Variants in FYTTD1 observed in about 807,000 individuals in gnomAD.
The protein encoded by FYTTD1 is UAP56-interacting factor.
FYTTD1 carries 22 observed loss-of-function variants against 40.9 expected under a neutral mutation model. The ratio of observed to expected loss-of-function variants is 0.54; its 90% CI spans 0.38 to 0.77. The LOEUF is 0.77. FYTTD1 is among the 30% of genes least tolerant of loss of function. FYTTD1 has a pLI of 0.00. For missense variants in FYTTD1, 351 were observed against 392.2 expected (o/e 0.90, Z 0.89); for synonymous variants, 140 against 137.9 (o/e 1.01, Z -0.10).
intron 1 of FYTTD1, among the ~76,000 whole-genome samples, chr3:197,752,694 C>A (rs996818780): frequency 2.6e-5 from 4 of 151,664 alleles, no homozygotes; most frequent in Non-Finnish European, 5.9e-5. Flanking sequence ...TATACATACA[C>A]TACATATATG....
intron 2 of FYTTD1, among the ~76,000 whole-genome samples, chr3:197,765,140 A>G (rs548008741): frequency 2.0e-5 from 3 of 152,330 alleles, no homozygotes; most frequent in Non-Finnish European, 4.4e-5. Context: ...GGCGTGAGCC[A>G]CGGTACCCAA....
At chr3:197,781,129 C>T (rs890164874) in intron 8 of FYTTD1, among the ~76,000 whole-genome samples, 2 of 151,604 alleles carry the variant, frequency 1.3e-5, no homozygotes, top group East Asian at 3.9e-4. Flanking sequence ...GCCTGGTCAA[C>T]ATGGAAAAAC....
chr3:197,781,761 A>T, intron 8 of FYTTD1, 50 bp from the exon 9 acceptor site: 1 of 1,309,178 alleles, frequency 7.6e-7, no homozygotes, highest in Non-Finnish European at 1.1e-6. Context: ...CCTTCAGTAA[A>T]GTTGTTAATT....
rs186349503 is a variant in FYTTD1 at position 197,785,335 on chromosome 3, G to C, written c.*3426G>C. The C allele has an allele frequency of 8.0e-4, 122 of 152,278 alleles. No homozygotes were observed. Among genetic ancestry groups the C allele is most frequent in the African/African-American group, 2.9e-3 (119 of 41,560 alleles). 9.4% of individuals were successfully genotyped at this position (152,278 alleles called of 1,614,324 possible). A position where few individuals can be genotyped will look rare whatever the true frequency, so the allele number is the denominator to read the frequency against. ...TGTGTAAACGAAAAGTTGGCCCACTGTGTACATGGATTTTCCATTCCAAGA... is the reference window on the plus strand; with the variant it reads ...TGTGTAAACGAAAAGTTGGCCCACTCTGTACATGGATTTTCCATTCCAAGA... On this transcript the variant is annotated 3_prime_UTR_variant, in exon 9 of 9. Transcript: ENST00000241502.
chr3:197,758,671 A>G (rs920462898), intron 2 of FYTTD1, among the ~76,000 whole-genome samples: 1 of 152,180 alleles, frequency 6.6e-6, no homozygotes, highest in Admixed American at 6.5e-5. Context: ...GGATCTCCTA[A>G]GATTGAGCTT....
intron 2 of FYTTD1, among the ~76,000 whole-genome samples, chr3:197,759,105 C>T (rs1428694733): frequency 2.0e-5 from 3 of 148,056 alleles, no homozygotes; most frequent in Non-Finnish European, 4.4e-5. Flanking sequence ...AGTTGTTCTT[C>T]AGTGGTAGAA....
At chr3:197,757,719 G>A (rs1483883786) in intron 2 of FYTTD1, among the ~76,000 whole-genome samples, 1 of 152,190 alleles carries the variant, frequency 6.6e-6, no homozygotes, top group Non-Finnish European at 1.5e-5. Flanking sequence ...AGACCACAGT[G>A]AGCCATGATG....
rs1200349503 is a variant in FYTTD1, at chr3:197,785,310, T to C, written c.*3401T>C. ...CTGCGCAATACTGAAGTCCCACATC[T>C]GTGTAAACGAAAAGTTGGCCCACTG... On this transcript the variant is annotated 3_prime_UTR_variant, in exon 9 of 9. Coordinates refer to ENST00000241502, the MANE Select transcript of FYTTD1 (RefSeq NM_032288.7). 6.6e-6 allele frequency: 1 copy of C among 152,210 alleles called. No homozygotes were observed. The highest frequency in any genetic ancestry group is 1.5e-5 in the Non-Finnish European group (1 of 68,046). The allele number at this position is 152,210 out of a possible 1,614,324, so 9.4% of individuals were successfully genotyped here.
chr3:197,757,686 G>A (rs1465108659), intron 2 of FYTTD1, among the ~76,000 whole-genome samples: 1 of 152,192 alleles, frequency 6.6e-6, no homozygotes, highest in African/African-American at 2.4e-5. Flanking sequence ...GAGGTGGGAA[G>A]ATGGCTTGAG....
At chr3:197,780,272 A>T (rs1051580859) in intron 8 of FYTTD1, among the ~76,000 whole-genome samples, 1 of 152,148 alleles carries the variant, frequency 6.6e-6, no homozygotes, top group Non-Finnish European at 1.5e-5. Flanking sequence ...GTTTCGCTAC[A>T]TTGCCCAGGC....
intron 2 of FYTTD1, among the ~76,000 whole-genome samples, chr3:197,761,660 C>T (rs1435996156): frequency 1.3e-5 from 2 of 152,136 alleles, no homozygotes; most frequent in Admixed American, 1.3e-4. Context: ...AAAATGTCGT[C>T]AGGTACCCTT....
At chr3:197,770,540 CT>C (rs1455616714) in intron 4 of FYTTD1, among the ~76,000 whole-genome samples, 3 of 152,126 alleles carry the variant, frequency 2.0e-5, no homozygotes, top group South Asian at 2.1e-4. Context: ...GTAGAACTCT[CT>C]TTTTTTTCTC....
intron 8 of FYTTD1, among the ~76,000 whole-genome samples, chr3:197,780,270 A>G (rs79048893): frequency 0.016 from 2,487 of 152,276 alleles, 52 homozygotes; most frequent in African/African-American, 0.055. Flanking sequence ...GGGTTTCGCT[A>G]CATTGCCCAG....
chr3:197,770,055 T>A, intron 3 of FYTTD1, 77 bp from the exon 4 acceptor site: 2 of 817,234 alleles, frequency 2.4e-6, no homozygotes, highest in Non-Finnish European at 4.0e-6. Context: ...TTGTTCATTC[T>A]GCATCTGAAA....
intron 2 of FYTTD1, among the ~76,000 whole-genome samples, chr3:197,766,463 GAGACAGGGTCT>G (rs1560496493): frequency 1.5e-4 from 23 of 151,284 alleles, no homozygotes; most frequent in African/African-American, 5.6e-4. Context: ...GTGTGTGTTT[GAGACAGGGTCT>G]TGCTCTGTCA....
At chr3:197,755,237 C>T (rs1477576044) in intron 1 of FYTTD1, among the ~76,000 whole-genome samples, 1 of 152,104 alleles carries the variant, frequency 6.6e-6, no homozygotes, top group Non-Finnish European at 1.5e-5. Context: ...TTTGTATTTG[C>T]TATTTGCATG....
intron 2 of FYTTD1, among the ~76,000 whole-genome samples, chr3:197,760,394 G>A (rs62283410): frequency 0.74 from 112,200 of 150,750 alleles, 43,885 homozygotes; most frequent in East Asian, 0.94. Flanking sequence ...GTATAGAGTT[G>A]TTCTTCAGTG....
chr3:197,752,838 C>G (rs1304676405), intron 1 of FYTTD1, among the ~76,000 whole-genome samples: 1 of 152,126 alleles, frequency 6.6e-6, no homozygotes, highest in Non-Finnish European at 1.5e-5. Flanking sequence ...AATTAAGTAA[C>G]TTGCTCGAAG....
rs1730070081 is a variant in FYTTD1 at position 197,783,075 on chromosome 3, C to T, written c.*1166C>T. 6.6e-6 allele frequency: 1 copy of T among 152,512 alleles called. No individual in the cohort carries two copies. Among genetic ancestry groups the T allele is most frequent in the African/African-American group, 2.4e-5 (1 of 41,380 alleles). The allele number at this position is 152,512 out of a possible 1,614,324, so 9.4% of individuals were successfully genotyped here. ...TATATGGTATAAATTAAAGTTCAGG[C>T]ATTTATGGGGAGAAAAGGCCCTCCC... On this transcript the variant is annotated 3_prime_UTR_variant, in exon 9 of 9. Coordinates refer to ENST00000241502, the MANE Select transcript of FYTTD1 (RefSeq NM_032288.7).
Sources: allele counts gnomAD v4.1 joint callset (sites outside exome capture counted in the v4.1 genomes callset), GRCh38; gene constraint gnomAD v4.1.1; transcripts MANE v1.5; gene names NCBI Gene and HGNC (gene_info 2026-07-23, HGNC 2026-07-21).